GNA14: variants seen among roughly 807,000 people sequenced by gnomAD.
GNA14 encodes guanine nucleotide-binding protein subunit alpha-14.
GNA14 carries 50 observed loss-of-function variants against 42.0 expected under a neutral mutation model. The ratio of observed to expected loss-of-function variants is 1.19; its 90% confidence interval spans 0.95 to 1.51. The LOEUF (loss-of-function observed/expected upper bound fraction) is 1.51, where lower values mean the gene tolerates loss of function less well. Ranked by LOEUF, GNA14 falls within the 40% of genes most tolerant of loss-of-function variation. The pLI is 0.00. For missense variants in GNA14, 473 were observed against 446.2 expected, an observed-to-expected ratio of 1.06 and a Z score of -0.54; for synonymous variants, 173 against 163.1, an observed-to-expected ratio of 1.06 and a Z score of -0.46.
chr9:77,510,389 G>A (rs1564036476), intron 2 of GNA14, among the ~76,000 whole-genome samples: 1 of 152,174 alleles, frequency 6.6e-6, no homozygotes, highest in African/African-American at 2.4e-5. Context: ...AGGCTGGACT[G>A]CAGTGGTGCA....
intron 1 of GNA14, among the ~76,000 whole-genome samples, chr9:77,599,890 CAAA>C (rs369349398): frequency 1.2e-3 from 188 of 152,164 alleles, no homozygotes; most frequent in African/African-American, 3.7e-3. Context: ...TCTAGCAAAA[CAAA>C]AAATTGTAAC....
At chr9:77,495,244 T>TG (rs928415362) in intron 2 of GNA14, among the ~76,000 whole-genome samples, 33 of 151,842 alleles carry the variant, frequency 2.2e-4, no homozygotes, top group African/African-American at 8.0e-4. Context: ...AGAGGAGTTG[T>TG]GGGGGAAAAA....
At chr9:77,604,765 T>C (rs2184481) in intron 1 of GNA14, among the ~76,000 whole-genome samples, 115,276 of 152,058 alleles carry the variant, frequency 0.76, 43,750 homozygotes, top group East Asian at 0.91. Context: ...TGACCACCTA[T>C]GGGGTTGTTG....
intron 1 of GNA14, among the ~76,000 whole-genome samples, chr9:77,621,014 G>GT (rs1274658652): frequency 2.0e-5 from 3 of 152,086 alleles, no homozygotes; most frequent in Admixed American, 2.0e-4. Context: ...GCTCACTGCA[G>GT]TCTCCACCTC....
rs532475931 is a variant in GNA14, at chr9:77,431,143, C to T, written c.593+178G>A. 2.6e-5 allele frequency among the ~76,000 whole-genome samples: 4 copies of T among 152,030 alleles called. No individual in the cohort carries two copies. In the East Asian group the frequency reaches 7.8e-4, roughly 30 times the overall value. On this transcript the variant is annotated intron_variant, in intron 4 of 6. Coordinates refer to ENST00000341700, the MANE Select transcript of GNA14 (RefSeq NM_004297.4). ...TTCTCCAAGGGTAACAGGAAGGTGA[C>T]TTCCTCTCCATTCCAGGGTTGAGAC...
intron 2 of GNA14, among the ~76,000 whole-genome samples, chr9:77,458,302 A>C (rs922826958): frequency 7.9e-5 from 12 of 151,818 alleles, no homozygotes; most frequent in African/African-American, 2.4e-4. Context: ...TGAGGGGGGA[A>C]AAGAAAGTCT....
At chr9:77,582,015 C>G (rs536091698) in intron 1 of GNA14, among the ~76,000 whole-genome samples, 16 of 152,330 alleles carry the variant, frequency 1.1e-4, no homozygotes, top group Admixed American at 4.6e-4. Context: ...CTCCCTGAAG[C>G]TCATAAACAC....
intron 4 of GNA14, among the ~76,000 whole-genome samples, chr9:77,429,914 C>A (rs940377225): frequency 6.6e-6 from 1 of 151,884 alleles, no homozygotes; most frequent in African/African-American, 2.4e-5. Flanking sequence ...CCCCACCCAC[C>A]CCTACATCAC....
intron 1 of GNA14, among the ~76,000 whole-genome samples, chr9:77,550,342 C>T (rs1039174341): frequency 3.9e-5 from 6 of 152,162 alleles, no homozygotes; most frequent in African/African-American, 1.4e-4. Flanking sequence ...GAATGGTAGA[C>T]TAAATACAGA....
At chr9:77,601,057 G>T (rs549255071) in intron 1 of GNA14, among the ~76,000 whole-genome samples, 2 of 152,256 alleles carry the variant, frequency 1.3e-5, no homozygotes, top group Non-Finnish European at 2.9e-5. Context: ...CGGGAAGTTC[G>T]CGCCTTGTGC....
At chr9:77,539,262 A>G (rs979933938) in intron 1 of GNA14, among the ~76,000 whole-genome samples, 10 of 152,240 alleles carry the variant, frequency 6.6e-5, no homozygotes, top group African/African-American at 2.2e-4. Flanking sequence ...TATGGAGGTA[A>G]TAACATAGTT....
At chr9:77,455,166 G>A (rs1835977775) in intron 2 of GNA14, among the ~76,000 whole-genome samples, 2 of 152,180 alleles carry the variant, frequency 1.3e-5, no homozygotes, top group South Asian at 2.1e-4. Flanking sequence ...CCTCAGGACT[G>A]TAGGACTGAG....
At chr9:77,430,856 G>C (rs1425794432) in intron 4 of GNA14, among the ~76,000 whole-genome samples, 1 of 152,106 alleles carries the variant, frequency 6.6e-6, no homozygotes, top group African/African-American at 2.4e-5. Flanking sequence ...ACAGCTGTTA[G>C]TTTGTACATA....
At chr9:77,437,896 G>C (rs1482161320) in intron 2 of GNA14, among the ~76,000 whole-genome samples, 3 of 152,168 alleles carry the variant, frequency 2.0e-5, no homozygotes, top group Non-Finnish European at 4.4e-5. Context: ...TTGTTAGTGC[G>C]GCATGACCTA....
chr9:77,640,249 G>C (rs1041941950), intron 1 of GNA14, among the ~76,000 whole-genome samples: 8 of 152,148 alleles, frequency 5.3e-5, no homozygotes, highest in African/African-American at 1.7e-4. Context: ...TGAATTCCAT[G>C]AGATGCCCTG....
At chr9:77,509,679 G>A (rs1329165679) in intron 2 of GNA14, among the ~76,000 whole-genome samples, 1 of 152,164 alleles carries the variant, frequency 6.6e-6, no homozygotes, top group African/African-American at 2.4e-5. Context: ...TGCAGAGAGT[G>A]GTGAATGTCA....
intron 2 of GNA14, among the ~76,000 whole-genome samples, chr9:77,444,766 C>T (rs1227465465): frequency 6.6e-6 from 1 of 152,228 alleles, no homozygotes; most frequent in African/African-American, 2.4e-5. Flanking sequence ...CCATTACAGT[C>T]CACTCAATCC....
At chr9:77,553,870 G>C (rs1837814615) in intron 1 of GNA14, among the ~76,000 whole-genome samples, 1 of 151,946 alleles carries the variant, frequency 6.6e-6, no homozygotes, top group Non-Finnish European at 1.5e-5. Context: ...TAACAAAAAT[G>C]AGAAAAAAAA....
chr9:77,610,045 G>T (rs1823706016), intron 1 of GNA14, among the ~76,000 whole-genome samples: 1 of 152,132 alleles, frequency 6.6e-6, no homozygotes, highest in Non-Finnish European at 1.5e-5. Context: ...TCTTCTGGAG[G>T]CTGCTCCAAA....
Sources: gnomAD v4.1 joint callset for allele counts (sites outside exome capture counted in the v4.1 genomes callset) on GRCh38, gnomAD v4.1.1 for gene constraint, MANE v1.5 for transcripts, NCBI Gene and HGNC (gene_info 2026-07-23, HGNC 2026-07-21) for gene names.